The following DLGAP1 variants were observed in gnomAD, a reference collection of about 807,000 sequenced individuals.
DLGAP1 encodes the protein disks large-associated protein 1.
A neutral mutation model predicts 90.8 loss-of-function variants in DLGAP1; 11 were observed. The observed-to-expected ratio is 0.12, with a 90% CI of 0.08 to 0.20. The LOEUF (loss-of-function observed/expected upper bound fraction) is 0.20, where lower values mean the gene tolerates loss of function less well. Among genes scored for constraint, DLGAP1 ranks in the 10% least tolerant of loss-of-function variants. The pLI is 1.00. For synonymous variants in DLGAP1, 558 were observed against 540.7 expected (o/e 1.03, Z -0.44); for missense variants, 1,050 against 1,333.8 (o/e 0.79, Z 3.31).
intron 10 of DLGAP1, among the ~76,000 whole-genome samples, chr18:3,520,013 T>G (rs2051079708): frequency 6.6e-6 from 1 of 152,136 alleles, no homozygotes; most frequent in South Asian, 2.1e-4. Flanking sequence ...ACCTGCACGT[T>G]CAGCACATGT....
intron 7 of DLGAP1, among the ~76,000 whole-genome samples, chr18:3,613,572 C>G (rs1471181911): frequency 6.6e-6 from 1 of 152,064 alleles, no homozygotes; most frequent in African/African-American, 2.4e-5. Flanking sequence ...CTCCTGGGCT[C>G]AAGCCATCCT....
At chr18:3,567,353 A>G in intron 9 of DLGAP1, 137 bp downstream of exon 9, 1 of 691,108 alleles carries the variant, frequency 1.4e-6, no homozygotes, top group Non-Finnish European at 2.5e-6. Flanking sequence ...ACTAATATTG[A>G]TTCAACTTCA....
intron 3 of DLGAP1, among the ~76,000 whole-genome samples, chr18:3,966,691 A>AC (rs1422205289): frequency 3.3e-5 from 5 of 152,188 alleles, no homozygotes; most frequent in Non-Finnish European, 7.3e-5. Flanking sequence ...GAAAGACGGG[A>AC]CAGAAGTAGG....
At chr18:3,595,593 C>A (rs541469314) in intron 7 of DLGAP1, among the ~76,000 whole-genome samples, 18 of 152,294 alleles carry the variant, frequency 1.2e-4, no homozygotes, top group African/African-American at 3.6e-4. Flanking sequence ...GAGTAAGAAT[C>A]ATTTGACCAG....
At chr18:4,245,873 T>G (rs2078643202) in intron 1 of DLGAP1, among the ~76,000 whole-genome samples, 1 of 151,940 alleles carries the variant, frequency 6.6e-6, no homozygotes, top group Admixed American at 6.6e-5. Flanking sequence ...GGGCCCCGAC[T>G]CATCTTGGGG....
chr18:3,886,829 G>A (rs1015242256), intron 3 of DLGAP1, among the ~76,000 whole-genome samples: 3 of 152,188 alleles, frequency 2.0e-5, no homozygotes, highest in African/African-American at 7.2e-5. Flanking sequence ...AACTTGAAAC[G>A]GCATGTGTGA....
At chr18:4,382,989 T>C (rs2082160625) in intron 1 of DLGAP1, among the ~76,000 whole-genome samples, 1 of 152,132 alleles carries the variant, frequency 6.6e-6, no homozygotes, top group East Asian at 1.9e-4. Flanking sequence ...AGCCAGTATA[T>C]CAGTAACTGT....
chr18:3,520,113 T>C (rs1041854234), intron 10 of DLGAP1, among the ~76,000 whole-genome samples: 2 of 152,172 alleles, frequency 1.3e-5, no homozygotes, highest in Non-Finnish European at 2.9e-5. Context: ...ACAAATAGTC[T>C]TAATGTTCTG....
At chr18:4,396,055 G>A (rs184017242) in intron 1 of DLGAP1, among the ~76,000 whole-genome samples, 6 of 152,304 alleles carry the variant, frequency 3.9e-5, no homozygotes, top group Admixed American at 3.9e-4. Context: ...CACCGGCTGC[G>A]GGCACAGGGA....
rs868037921 is a variant in DLGAP1 at position 4,298,698 on chromosome 18, C to T, written c.-266-147411G>A. On this transcript the variant is annotated intron_variant, in intron 1 of 12. Transcript: ENST00000315677. ...AGATGACGAGTTAGTGGGTGCAGCG[C>T]ACCAGCATGGCACATGTATACATAT... is the stretch of plus-strand genomic sequence containing the variant. 1.3e-5 allele frequency among the ~76,000 whole-genome samples: 2 copies of T among 151,844 alleles called. 1 individual carries two copies. The highest frequency in any genetic ancestry group is 4.2e-4 in the South Asian group (2 of 4,816).
In DLGAP1 at chr18:3,499,599, A is replaced by G. The variant is rs1367743176; in HGVS notation, c.2725-205T>C. On this transcript the variant is annotated intron_variant, in intron 12 of 12. Transcript: ENST00000315677. This position sits in a 1 kb window ranked among gnomAD's most constrained non-coding sequence, Gnocchi z 6.4. ...AAAAAAAAAAATCCCGGTAAGCTTA[A>G]GGCCCAGGGTAAGGCTGGGTTGCAG... Among the ~76,000 whole-genome samples, 1 of 151,856 alleles carries G rather than the reference A, an allele frequency of 6.6e-6. No individual in the cohort carries two copies. Among genetic ancestry groups the G allele is most frequent in the African/African-American group, 2.4e-5 (1 of 41,352 alleles).
At chr18:3,908,332 A>G (rs1029189925) in intron 3 of DLGAP1, among the ~76,000 whole-genome samples, 5 of 152,248 alleles carry the variant, frequency 3.3e-5, no homozygotes, top group African/African-American at 9.6e-5. Context: ...GGTAGTTGCC[A>G]TATAGGATTA....
intron 1 of DLGAP1, among the ~76,000 whole-genome samples, chr18:4,246,885 C>T (rs1289461460): frequency 2.2e-5 from 3 of 138,762 alleles, no homozygotes; most frequent in East Asian, 2.3e-4. Context: ...AAAGAAAAAG[C>T]GAGAGAGAAT....
chr18:4,249,267 G>A (rs558951629), intron 1 of DLGAP1, among the ~76,000 whole-genome samples: 13 of 151,968 alleles, frequency 8.6e-5, no homozygotes. Flanking sequence ...GAACACTGCC[G>A]GGCACAAAGT....
At chr18:3,881,315 C>T (rs554185746) in intron 3 of DLGAP1, among the ~76,000 whole-genome samples, 3 of 152,134 alleles carry the variant, frequency 2.0e-5, no homozygotes, top group East Asian at 3.9e-4. Context: ...GAGGTTTCAC[C>T]ATGTTGGTCA....
chr18:4,251,528 C>T (rs2078778567), intron 1 of DLGAP1, among the ~76,000 whole-genome samples: 1 of 152,192 alleles, frequency 6.6e-6, no homozygotes, highest in East Asian at 1.9e-4. Context: ...TTCAATGTCT[C>T]ATTTGACAGA....
At chr18:4,159,722 A>G (rs1300877825) in intron 1 of DLGAP1, among the ~76,000 whole-genome samples, 2 of 152,198 alleles carry the variant, frequency 1.3e-5, no homozygotes, top group East Asian at 1.9e-4. Flanking sequence ...CAGTTAATTG[A>G]AAAGGGCCTT....
chr18:3,599,565 G>T (rs1417600329), intron 7 of DLGAP1, among the ~76,000 whole-genome samples: 1 of 152,196 alleles, frequency 6.6e-6, no homozygotes, highest in African/African-American at 2.4e-5. Context: ...GTGGTGACAG[G>T]CGTGCAAGGT....
intron 5 of DLGAP1, among the ~76,000 whole-genome samples, chr18:3,749,679 T>C (rs1158334426): frequency 6.6e-6 from 1 of 152,210 alleles, no homozygotes; most frequent in Non-Finnish European, 1.5e-5. Context: ...TCTCTTGAAC[T>C]TCAAAACTGA....
Sources: allele counts gnomAD v4.1 joint callset (sites outside exome capture counted in the v4.1 genomes callset), GRCh38; gene constraint gnomAD v4.1.1; non-coding constraint Gnocchi (gnomAD v3.1); transcripts MANE v1.5; gene names NCBI Gene and HGNC (gene_info 2026-07-23, HGNC 2026-07-21).